Variants in TBC1D15 observed in about 807,000 individuals in gnomAD.
TBC1D15 encodes the protein GAP for RAB7.
TBC1D15 carries 39 observed loss-of-function variants against 95.4 expected under a neutral mutation model. That is an observed-to-expected ratio of 0.41 (90% CI 0.32 to 0.53). The LOEUF (loss-of-function observed/expected upper bound fraction) is 0.53, where lower values mean the gene tolerates loss of function less well. Ranked by LOEUF, TBC1D15 falls within the 20% of genes least tolerant of loss-of-function variation. The probability of loss-of-function intolerance (pLI) is 0.29; values close to 1 mark genes in which losing one functional copy is unlikely to be tolerated. For synonymous variants in TBC1D15, 258 were observed against 261.3 expected (o/e 0.99, Z 0.12); for missense variants, 733 against 794.3 (o/e 0.92, Z 0.93).
In TBC1D15 at chr12:71,863,531, A is replaced by G. The variant is rs114444120; in HGVS notation, c.31-8539A>G. The stretch of plus-strand genomic sequence containing the variant: ...AGGAAGACCTTTTTAGGTTGAATCT[A>G]TTTGGGGACTTGTGAGCTTTCTGGA... On this transcript the variant is annotated intron_variant, in intron 1 of 16. Coordinates refer to ENST00000485960, the MANE Select transcript of TBC1D15 (RefSeq NM_001146213.3). Among the ~76,000 whole-genome samples the G allele has an allele frequency of 9.9e-3, 1,503 of 152,184 alleles. 31 individuals carry two copies. The highest frequency in any genetic ancestry group is 0.034 in the African/African-American group (1,400 of 41,518).
intron 11 of TBC1D15, 113 bp downstream of exon 11, chr12:71,907,251 A>G: frequency 1.6e-6 from 1 of 617,198 alleles, no homozygotes; most frequent in Non-Finnish European, 2.6e-6. Flanking sequence ...TTTTAAGAGA[A>G]TTTGTTCTCC....
At chr12:71,867,170 G>A (rs1281296780) in intron 1 of TBC1D15, among the ~76,000 whole-genome samples, 2 of 152,194 alleles carry the variant, frequency 1.3e-5, no homozygotes, top group African/African-American at 4.8e-5. Flanking sequence ...GTTTATAAAT[G>A]TAGACATTTA....
At chr12:71,849,675 A>G (rs978144843) in intron 1 of TBC1D15, 1 of 557,804 alleles carries the variant, frequency 1.8e-6, no homozygotes, top group Non-Finnish European at 3.4e-6. Context: ...CAGCAACTCT[A>G]TCTCCTCTGC....
At chr12:71,893,161 G>T (rs1592776548) in intron 5 of TBC1D15, 61 bp from the exon 6 acceptor site, 1,053 of 542,920 alleles carry the variant, frequency 1.9e-3, no homozygotes, top group Non-Finnish European at 2.6e-3. Flanking sequence ...GTTAGTAATT[G>T]TTCATGTAGT....
At chr12:71,886,053 G>A (rs1300843439) in intron 5 of TBC1D15, among the ~76,000 whole-genome samples, 1 of 152,196 alleles carries the variant, frequency 6.6e-6, no homozygotes, top group Non-Finnish European at 1.5e-5. Flanking sequence ...AAAGTGGCCT[G>A]AACTGGGATA....
Position 71,872,968 on chromosome 12 carries a change from G to T in TBC1D15, c.169G>T (p.Ala57Ser). 6.2e-7 allele frequency: 1 copy of T among 1,609,854 alleles called. No homozygotes were observed. The part of the protein sequence containing the change: ...VIVDWRPLDD[A>S]LDSSSILYAR... ...AGTGGACTGGAGACCATTGGATGAT[G>T]CATTAGATTCCTCTAGTATTCTCTA... The change falls in exon 3 of 17, where the codon GCA becomes TCA. Residue 57 changes from alanine (A) to serine (S), a missense_variant. Transcript: ENST00000485960.
intron 1 of TBC1D15, among the ~76,000 whole-genome samples, chr12:71,864,387 T>C (rs1039719059): frequency 1.3e-5 from 2 of 152,066 alleles, no homozygotes; most frequent in African/African-American, 2.4e-5. Context: ...TTTCGTTTCA[T>C]GTGTGCCTCC....
chr12:71,870,524 T>G (rs1892441369), intron 1 of TBC1D15, among the ~76,000 whole-genome samples: 1 of 152,220 alleles, frequency 6.6e-6, no homozygotes, highest in African/African-American at 2.4e-5. Flanking sequence ...AAAGACTGTT[T>G]CCTGACATAA....
At chr12:71,858,539 T>A (rs1309220050) in intron 1 of TBC1D15, among the ~76,000 whole-genome samples, 5 of 150,508 alleles carry the variant, frequency 3.3e-5, no homozygotes, top group African/African-American at 4.9e-5. Context: ...GATCATATGC[T>A]AATTTTTTTT....
At chr12:71,847,509 A>T (rs1229846854) in intron 1 of TBC1D15, among the ~76,000 whole-genome samples, 1 of 151,890 alleles carries the variant, frequency 6.6e-6, no homozygotes, top group African/African-American at 2.4e-5. Flanking sequence ...AGCCTGACCA[A>T]CATAGTGAAA....
Position 71,863,480 on chromosome 12 carries a change from T to G in TBC1D15, c.31-8590T>G, listed in dbSNP as rs546978438. ...TCCTGCTGTTTTTAGAATTCTCTTT[T>G]GACAGTTGGACTATAATGTACCTTA... is the stretch of plus-strand genomic sequence containing the variant. On this transcript the variant is annotated intron_variant, in intron 1 of 16. Transcript: ENST00000485960. Among the ~76,000 whole-genome samples, 26 of 152,332 alleles carry G rather than the reference T, an allele frequency of 1.7e-4. No homozygotes were observed. In the South Asian group the frequency reaches 5.2e-3, roughly 30 times the overall value.
intron 1 of TBC1D15, chr12:71,850,044 G>C: frequency 1.9e-6 from 1 of 521,520 alleles, no homozygotes; most frequent in Non-Finnish European, 3.7e-6. Flanking sequence ...ATTGTGAAGA[G>C]AGTTCCCGGA....
At chr12:71,847,823 T>G (rs328772) in intron 1 of TBC1D15, among the ~76,000 whole-genome samples, 13,163 of 151,918 alleles carry the variant, frequency 0.087, 649 homozygotes, top group South Asian at 0.16. Context: ...TTAGGCCAGG[T>G]GCCGTGGCTC....
chr12:71,880,504 A>C lies in TBC1D15; in HGVS notation c.240A>C (p.Pro80=). Residue 80 remains proline, a synonymous_variant, in exon 4 of 17, where the codon CCA becomes CCC. Transcript: ENST00000485960. The part of the protein sequence containing the change: ...SSSVVEWTQA[P]KERGHRGSEH... ...CAGTTGTAGAATGGACTCAGGCCCC[A>C]AAAGAAAGAGGTCATCGAGGATCAG... The C allele has an allele frequency of 6.2e-7, 1 of 1,610,068 alleles. No homozygotes were observed. The highest frequency in any genetic ancestry group is 8.5e-7 in the Non-Finnish European group (1 of 1,177,568).
At chr12:71,882,248 A>T (rs1037303589) in intron 4 of TBC1D15, among the ~76,000 whole-genome samples, 1 of 152,180 alleles carries the variant, frequency 6.6e-6, no homozygotes, top group African/African-American at 2.4e-5. Flanking sequence ...ATATTTCATA[A>T]GAGTTTCTAC....
intron 1 of TBC1D15, among the ~76,000 whole-genome samples, chr12:71,856,473 T>A (rs1026285023): frequency 2.7e-5 from 4 of 150,254 alleles, no homozygotes; most frequent in Non-Finnish European, 5.9e-5. Flanking sequence ...TCTCTGGTAG[T>A]GTAGACTTTT....
In TBC1D15 at chr12:71,861,926, A is replaced by C. The variant is rs532843262; in HGVS notation, c.31-10144A>C. On this transcript the variant is annotated intron_variant, in intron 1 of 16. Coordinates refer to ENST00000485960, the MANE Select transcript of TBC1D15 (RefSeq NM_001146213.3). ...TCAAGAAATTTAAAAAAATTACTTA[A>C]TTTCTTCTTTGGCCCATTGGTCATT... 7.4e-5 allele frequency among the ~76,000 whole-genome samples: 10 copies of C among 135,896 alleles called. No individual in the cohort carries two copies. In the South Asian group the frequency reaches 2.4e-3, roughly 33 times the overall value. The allele number at this position is 135,896 out of a possible 152,430, so 89.2% of individuals were successfully genotyped here. A position where few individuals can be genotyped will look rare whatever the true frequency, so the allele number is the denominator to read the frequency against.
intron 4 of TBC1D15, 79 bp from the exon 5 acceptor site, chr12:71,884,732 T>A (rs982106409): frequency 7.5e-6 from 10 of 1,340,622 alleles, no homozygotes; most frequent in Non-Finnish European, 1.0e-5. Flanking sequence ...TAATTTATGT[T>A]AGGCAGTCAT....
chr12:71,885,998 T>C (rs1031819244), intron 5 of TBC1D15, among the ~76,000 whole-genome samples: 1 of 152,204 alleles, frequency 6.6e-6, no homozygotes, highest in African/African-American at 2.4e-5. Context: ...ACAAAGCATC[T>C]TTTAAGTCAT....
Sources: allele counts gnomAD v4.1 joint callset (sites outside exome capture counted in the v4.1 genomes callset), GRCh38; gene constraint gnomAD v4.1.1; transcripts MANE v1.5; gene names NCBI Gene and HGNC (gene_info 2026-07-23, HGNC 2026-07-21).